MTUS2: variants seen among roughly 807,000 people sequenced by gnomAD.
MTUS2 encodes the protein microtubule-associated tumor suppressor candidate 2.
Under a neutral mutation model 114.1 loss-of-function variants are expected in MTUS2, and 40 were observed. The ratio of observed to expected loss-of-function variants is 0.35; its 90% CI spans 0.27 to 0.46. The LOEUF is 0.46. Among genes scored for constraint, MTUS2 ranks in the 20% least tolerant of loss-of-function variants. MTUS2 has a pLI of 1.00. For synonymous variants in MTUS2, 688 were observed against 672.0 expected, an observed-to-expected ratio of 1.02 and a Z score of -0.37; for missense variants, 1,679 against 1,705.4, an observed-to-expected ratio of 0.98 and a Z score of 0.27.
intron 2 of MTUS2, among the ~76,000 whole-genome samples, chr13:28,914,870 T>A (rs1022155133): frequency 6.6e-6 from 1 of 151,746 alleles, no homozygotes; most frequent in African/African-American, 2.4e-5. Flanking sequence ...TTTATTTTTT[T>A]AATCTTTGCT....
At chr13:29,117,210 G>C (rs1312883884) in intron 5 of MTUS2, among the ~76,000 whole-genome samples, 4 of 152,150 alleles carry the variant, frequency 2.6e-5, no homozygotes, top group African/African-American at 4.8e-5. Flanking sequence ...CCCTCAGCTT[G>C]GATCTGAGGT....
At chr13:28,934,384 A>G (rs1320714840) in intron 2 of MTUS2, among the ~76,000 whole-genome samples, 4 of 152,202 alleles carry the variant, frequency 2.6e-5, no homozygotes, top group African/African-American at 9.7e-5. Flanking sequence ...TGTTACATAA[A>G]TAAGTGTATA....
chr13:28,893,377 A>T (rs1879046845), intron 2 of MTUS2, among the ~76,000 whole-genome samples: 1 of 152,194 alleles, frequency 6.6e-6, no homozygotes, highest in East Asian at 1.9e-4. Flanking sequence ...CTCCAGTTTA[A>T]TACAGAAAGT....
intron 2 of MTUS2, among the ~76,000 whole-genome samples, chr13:29,008,347 C>A (rs970662116): frequency 2.6e-5 from 4 of 152,164 alleles, no homozygotes; most frequent in African/African-American, 9.7e-5. Flanking sequence ...TAAATGCAAT[C>A]AACCAAGCAC....
chr13:29,412,971 C>G (rs955896366), intron 8 of MTUS2, among the ~76,000 whole-genome samples: 1 of 152,152 alleles, frequency 6.6e-6, no homozygotes, highest in South Asian at 2.1e-4. Context: ...ATCTTAAAAG[C>G]CAGCAACGGT....
intron 2 of MTUS2, among the ~76,000 whole-genome samples, chr13:29,007,523 A>T (rs529200799): frequency 1.3e-5 from 2 of 152,362 alleles, no homozygotes; most frequent in African/African-American, 4.8e-5. Flanking sequence ...TGGGTAAATT[A>T]GCAGTAACTA....
chr13:28,918,292 A>G (rs976274326), intron 2 of MTUS2, among the ~76,000 whole-genome samples: 4 of 152,052 alleles, frequency 2.6e-5, no homozygotes, highest in African/African-American at 9.6e-5. Flanking sequence ...TCCAACTATT[A>G]TTGTATTGAG....
At chr13:29,328,152 A>G (rs1262122488) in intron 7 of MTUS2, among the ~76,000 whole-genome samples, 1 of 151,858 alleles carries the variant, frequency 6.6e-6, no homozygotes, top group Non-Finnish European at 1.5e-5. Flanking sequence ...AAATTACTAT[A>G]AATTTTATTA....
chr13:29,368,566 ACATT>A (rs1870933239), intron 8 of MTUS2, among the ~76,000 whole-genome samples: 1 of 152,198 alleles, frequency 6.6e-6, no homozygotes, highest in African/African-American at 2.4e-5. Flanking sequence ...GGATCATTAA[ACATT>A]CAATGCATGT....
chr13:29,169,683 G>A (rs1893470968), intron 5 of MTUS2, among the ~76,000 whole-genome samples: 1 of 152,078 alleles, frequency 6.6e-6, no homozygotes, highest in Admixed American at 6.6e-5. Flanking sequence ...CTATCACTTT[G>A]CTGTGCAAGT....
rs186007582 is a variant in MTUS2 at position 29,112,445 on chromosome 13, A to G, written c.2644+11475A>G. Among the ~76,000 whole-genome samples, 341 of 152,264 alleles carry G rather than the reference A, an allele frequency of 2.2e-3. 1 individual carries two copies. The highest frequency in any genetic ancestry group is 7.6e-3 in the African/African-American group (316 of 41,552). On this transcript the variant is annotated intron_variant, in intron 5 of 15. Transcript: ENST00000612955. ...AGACTGTCATTAAGATGTCACTGGT[A>G]GCTTTGAAGTGAGTTTAACAAAATG...
chr13:29,137,604 T>G (rs1892036686), intron 5 of MTUS2, among the ~76,000 whole-genome samples: 1 of 151,794 alleles, frequency 6.6e-6, no homozygotes, highest in Non-Finnish European at 1.5e-5. Flanking sequence ...CTTCCCCTCC[T>G]TCTTCCTTCT....
chr13:29,497,382 C>G, intron 13 of MTUS2, 46 bp downstream of exon 13: 1 of 1,541,552 alleles, frequency 6.5e-7, no homozygotes. Flanking sequence ...AACCCCGCCC[C>G]AGCAAGGCCG....
At chr13:29,497,908 A>G (rs1310967486) in intron 13 of MTUS2, 1 of 163,668 alleles carries the variant, frequency 6.1e-6, no homozygotes, top group African/African-American at 2.4e-5. Context: ...AACAGGACAC[A>G]CTATATTTTA....
chr13:28,916,154 A>G (rs561780434), intron 2 of MTUS2, among the ~76,000 whole-genome samples: 120 of 151,924 alleles, frequency 7.9e-4, no homozygotes, highest in African/African-American at 2.7e-3. Flanking sequence ...CCATTGGTCT[A>G]TGTGTCTGTT....
chr13:28,907,988 A>T (rs2137994871), intron 2 of MTUS2, among the ~76,000 whole-genome samples: 1 of 149,934 alleles, frequency 6.7e-6, no homozygotes, highest in African/African-American at 2.5e-5. Context: ...TGCTTTCAAG[A>T]TTTTTCTTTG....
intron 7 of MTUS2, among the ~76,000 whole-genome samples, chr13:29,334,000 G>A (rs1304634284): frequency 1.3e-5 from 2 of 152,124 alleles, no homozygotes; most frequent in African/African-American, 4.8e-5. Context: ...TCAGAGACTA[G>A]GATTGCAACC....
intron 2 of MTUS2, among the ~76,000 whole-genome samples, chr13:28,907,217 C>T (rs1285059598): frequency 6.6e-6 from 1 of 151,480 alleles, no homozygotes; most frequent in African/African-American, 2.4e-5. Context: ...GATTTTGTCT[C>T]CACCAGGCCT....
chr13:29,357,197 A>ATGATAT (rs1444627575), intron 7 of MTUS2, among the ~76,000 whole-genome samples: 1 of 150,276 alleles, frequency 6.7e-6, no homozygotes, highest in South Asian at 2.1e-4. Context: ...GATGATGATG[A>ATGATAT]TATTATTATT....
Sources: allele counts gnomAD v4.1 joint callset (sites outside exome capture counted in the v4.1 genomes callset), GRCh38; gene constraint gnomAD v4.1.1; transcripts MANE v1.5; gene names NCBI Gene and HGNC (gene_info 2026-07-23, HGNC 2026-07-21).